ZNF738: variants seen among roughly 807,000 people sequenced by gnomAD.
ZNF738 encodes zinc finger protein 738, also known as protein ZNF738.
A neutral mutation model predicts 9.2 loss-of-function variants in ZNF738; 10 were observed. The ratio of observed to expected loss-of-function variants is 1.09; its 90% CI spans 0.67 to 1.85. The LOEUF (loss-of-function observed/expected upper bound fraction) is 1.85. Ranked by LOEUF, ZNF738 falls within the 40% of genes most tolerant of loss-of-function variation. The pLI, the probability that ZNF738 is intolerant of heterozygous loss-of-function variation, is 0.00. For missense variants in ZNF738, 346 were observed against 283.6 expected, an observed-to-expected ratio of 1.22 and a Z score of -1.58; for synonymous variants, 113 against 94.5, an observed-to-expected ratio of 1.20 and a Z score of -1.14.
Position 21,381,128 on chromosome 19 carries a change from A to G in ZNF738, c.320-1738A>G. On this transcript the variant is annotated intron_variant, in intron 4 of 4. Coordinates refer to ENST00000683779, the MANE Select transcript of ZNF738 (RefSeq NM_001355237.2). Reference sequence around the variant, plus strand: ...TATTTTCCTTACAAGGCAGCAGCACATTAAGCACGTGAGAGTCACATGATT... The same window carrying G: ...TATTTTCCTTACAAGGCAGCAGCACGTTAAGCACGTGAGAGTCACATGATT... 3 of 782,702 alleles carry G rather than the reference A, an allele frequency of 3.8e-6. No homozygotes were observed. In the South Asian group the frequency reaches 5.3e-5, roughly 14 times the overall value. 48.5% of individuals were successfully genotyped at this position (782,702 alleles called of 1,614,324 possible). A position where few individuals can be genotyped will look rare whatever the true frequency, so the allele number is the denominator to read the frequency against.
chr19:21,375,726 A>T (rs1460465698), intron 3 of ZNF738, 143 bp from the exon 4 acceptor site: 1 of 458,218 alleles, frequency 2.2e-6, no homozygotes, highest in Non-Finnish European at 4.0e-6. Flanking sequence ...TATTTTCTAA[A>T]TGTAAGAACT....
At chr19:21,364,678 G>C (rs1973750816) in intron 2 of ZNF738, among the ~76,000 whole-genome samples, 1 of 151,438 alleles carries the variant, frequency 6.6e-6, no homozygotes, top group South Asian at 2.1e-4. Context: ...AGAAATAAGA[G>C]AATTGCTTAC....
chr19:21,377,870 G>GC (rs1238875048), intron 4 of ZNF738: 2 of 380,720 alleles, frequency 5.3e-6, no homozygotes. Flanking sequence ...GAAACAAAGA[G>GC]ACTTACTAAT....
chr19:21,362,109 A>G (rs28890513), intron 2 of ZNF738, among the ~76,000 whole-genome samples: 9 of 26,268 alleles, frequency 3.4e-4, no homozygotes, highest in East Asian at 3.0e-3. Flanking sequence ...TAATAATAAT[A>G]ATAATAATAA....
At chr19:21,360,480 G>GTCTC (rs1019078380) in intron 1 of ZNF738, 2 of 152,692 alleles carry the variant, frequency 1.3e-5, no homozygotes, top group Non-Finnish European at 1.5e-5. Context: ...TTGAGATGGA[G>GTCTC]TCTCGCTCTG....
rs943357943 is a variant in ZNF738 at position 21,381,356 on chromosome 19, A to C, written c.320-1510A>C. On this transcript the variant is annotated intron_variant, in intron 4 of 4. Coordinates refer to ENST00000683779, the MANE Select transcript of ZNF738 (RefSeq NM_001355237.2). ...TGTTAGCTTTGCTTTCTTTTTGATG[A>C]ATACTCTGACTCCATCTTGAATAAC... 8 of 1,505,048 alleles carry C rather than the reference A, an allele frequency of 5.3e-6. No homozygotes were observed. The African/African-American group carries it at 1.1e-4, about 21-fold the overall frequency. The allele number at this position is 1,505,048 out of a possible 1,614,324, so 93.2% of individuals were successfully genotyped here. A position where few individuals can be genotyped will look rare whatever the true frequency, so the allele number is the denominator to read the frequency against.
rs754197070 is a variant in ZNF738, at chr19:21,359,092, G to A, written c.-49G>A. ...CAGCCTCTGGTCCTGTGACCTGCAG[G>A]TATTGGGAATCCACAGCTAAGACGC... On this transcript the variant is annotated 5_prime_UTR_variant, in exon 1 of 5. Transcript: ENST00000683779. 20 of 1,013,200 alleles carry A rather than the reference G, an allele frequency of 2.0e-5. No individual in the cohort carries two copies. The Admixed American group carries it at 2.7e-4, about 14-fold the overall frequency. The allele number at this position is 1,013,200 out of a possible 1,614,324, so 62.8% of individuals were successfully genotyped here.
intron 4 of ZNF738, chr19:21,378,438 A>C (rs1292941302): frequency 5.8e-6 from 1 of 171,744 alleles, no homozygotes; most frequent in African/African-American, 2.4e-5. Context: ...TTATTTTTGA[A>C]GTTTGTTTTC....
At chr19:21,381,649 A>G (rs537923820) in intron 4 of ZNF738, 2 of 452,228 alleles carry the variant, frequency 4.4e-6, no homozygotes, top group South Asian at 2.8e-5. Context: ...ACCTGCCACC[A>G]TGCCTGGCTG....
At chr19:21,382,560 G>A (rs566293165) in intron 4 of ZNF738, among the ~76,000 whole-genome samples, 22 of 152,244 alleles carry the variant, frequency 1.4e-4, no homozygotes, top group Admixed American at 6.5e-5. Flanking sequence ...AAGGCATTAT[G>A]TTATATCGGG....
At chr19:21,366,807 A>T (rs565389388) in intron 2 of ZNF738, among the ~76,000 whole-genome samples, 1 of 152,218 alleles carries the variant, frequency 6.6e-6, no homozygotes, top group South Asian at 2.1e-4. Context: ...CACTGGTGGG[A>T]GGGTAACGGA....
rs1417753975 is a variant in ZNF738, at chr19:21,384,716, T to C, written c.*1042T>C. Reference sequence around the variant, plus strand: ...CTTTTAACCAGTCCTCAACTCTTACTAGACATAAGAGAGTTCATACTGGAG... The same window carrying C: ...CTTTTAACCAGTCCTCAACTCTTACCAGACATAAGAGAGTTCATACTGGAG... On this transcript the variant is annotated 3_prime_UTR_variant, in exon 5 of 5. Coordinates refer to ENST00000683779, the MANE Select transcript of ZNF738 (RefSeq NM_001355237.2). 1.3e-5 allele frequency among the ~76,000 whole-genome samples: 2 copies of C among 152,186 alleles called. No homozygotes were observed. Among genetic ancestry groups the C allele is most frequent in the Non-Finnish European group, 2.9e-5 (2 of 68,034 alleles).
intron 2 of ZNF738, among the ~76,000 whole-genome samples, chr19:21,368,460 T>C (rs781482692): frequency 2.8e-4 from 42 of 151,504 alleles, no homozygotes; most frequent in Non-Finnish European, 5.6e-4. Flanking sequence ...AGACAAACTC[T>C]TTTTTTTTCT....
intron 1 of ZNF738, among the ~76,000 whole-genome samples, chr19:21,359,887 A>T (rs1321957304): frequency 1.3e-5 from 2 of 152,182 alleles, no homozygotes. Flanking sequence ...CAAAAAAAAA[A>T]TTAACTTATT....
intron 2 of ZNF738, chr19:21,372,335 T>C (rs1973867472): frequency 6.6e-6 from 1 of 152,172 alleles, no homozygotes; most frequent in Non-Finnish European, 1.5e-5. Context: ...TTCTTTTCCC[T>C]GCCCCAGTTC....
intron 2 of ZNF738, among the ~76,000 whole-genome samples, chr19:21,368,903 A>AT (rs1439890190): frequency 2.6e-5 from 4 of 151,848 alleles, no homozygotes; most frequent in African/African-American, 7.3e-5. Flanking sequence ...CGCCCAGCTG[A>AT]TTTTTTGTAT....
chr19:21,375,363 G>A lies in ZNF738; in HGVS notation c.222G>A (p.Leu74=). The change falls in exon 3 of 5, where the codon TTG becomes TTA. Residue 74 remains leucine, a splice_region_variant and synonymous_variant. Transcript: ENST00000683779. ...MLENFRNLVF[L]GIDVSKPDLI... ...AGAACTTCAGAAACCTGGTGTTCTT[G>A]GGTGAGAATAACTTTAATACACAAT... 1.2e-6 allele frequency: 1 copy of A among 835,866 alleles called. No homozygotes were observed. The highest frequency in any genetic ancestry group is 1.9e-5 in the Admixed American group (1 of 51,618). The allele number at this position is 835,866 out of a possible 1,614,324, so 51.8% of individuals were successfully genotyped here.
intron 4 of ZNF738, chr19:21,381,177 C>T (rs1180589195): frequency 1.2e-5 from 14 of 1,205,478 alleles, no homozygotes; most frequent in Middle Eastern, 2.9e-4. Context: ...CCAAGGCTTC[C>T]AGGAGTTTTC....
At chr19:21,362,282 A>G (rs1394649443) in intron 2 of ZNF738, among the ~76,000 whole-genome samples, 1 of 152,152 alleles carries the variant, frequency 6.6e-6, no homozygotes, top group Non-Finnish European at 1.5e-5. Context: ...AAATAAATAT[A>G]GTAAAAGAAA....
Sources: gnomAD v4.1 joint callset for allele counts (sites outside exome capture counted in the v4.1 genomes callset) on GRCh38, gnomAD v4.1.1 for gene constraint, MANE v1.5 for transcripts, NCBI Gene and HGNC (gene_info 2026-07-23, HGNC 2026-07-21) for gene names.